MEGF11: variants seen among roughly 807,000 people sequenced by gnomAD.
MEGF11 encodes the protein multiple EGF like domains 11.
A neutral mutation model predicts 146.6 loss-of-function variants in MEGF11; 126 were observed. The observed-to-expected ratio is 0.86, with a 90% CI of 0.74 to 1.00. The LOEUF (loss-of-function observed/expected upper bound fraction) is 1.00. MEGF11 is among the 50% of genes least tolerant of loss of function. The pLI is 0.00. For synonymous variants in MEGF11, 532 were observed against 583.4 expected (o/e 0.91, Z 1.27); for missense variants, 1,509 against 1,521.2 (o/e 0.99, Z 0.13).
At chr15:65,970,987 C>A in intron 7 of MEGF11, 1 of 415,540 alleles carries the variant, frequency 2.4e-6, no homozygotes, top group Non-Finnish European at 4.4e-6. Context: ...ACAGAAAGAG[C>A]CAAAAAAACC....
At chr15:66,037,196 C>T (rs1288617208) in intron 5 of MEGF11, among the ~76,000 whole-genome samples, 2 of 152,206 alleles carry the variant, frequency 1.3e-5, no homozygotes, top group Admixed American at 6.5e-5. Context: ...CCTCCCATTA[C>T]ACCCCACCTG....
chr15:65,969,274 A>G (rs1052559078), intron 8 of MEGF11, among the ~76,000 whole-genome samples: 1 of 152,228 alleles, frequency 6.6e-6, no homozygotes, highest in Non-Finnish European at 1.5e-5. Flanking sequence ...CTCATGAGAA[A>G]GTGGACTGAA....
In MEGF11 at chr15:65,917,978, C is replaced by A; in HGVS notation, c.2074G>T (p.Asp692Tyr). ...CQCFPGWIGK[D>Y]CSQACPPGFW... ...GGCAGCAGCTTACCCTGTGAGCAGT[C>A]CTTGCCAATCCATCCAGGAAAGCAC... The change falls in exon 16 of 26, where the codon GAC becomes TAC. Residue 692 changes from aspartate to tyrosine, a missense_variant. Asp to Tyr is a radical substitution (Grantham distance 160). Transcript: ENST00000395614. 6.2e-7 allele frequency: 1 copy of A among 1,614,006 alleles called. No individual in the cohort carries two copies. Among genetic ancestry groups the A allele is most frequent in the East Asian group, 2.2e-5 (1 of 44,882 alleles).
At chr15:66,074,348 C>G (rs1199871137) in intron 5 of MEGF11, among the ~76,000 whole-genome samples, 4 of 152,182 alleles carry the variant, frequency 2.6e-5, no homozygotes, top group Admixed American at 1.3e-4. Flanking sequence ...ACAGGTATAG[C>G]GCTAGTTCAT....
At chr15:66,155,334 G>A (rs2089718516) in intron 1 of MEGF11, among the ~76,000 whole-genome samples, 1 of 152,216 alleles carries the variant, frequency 6.6e-6, no homozygotes, top group Non-Finnish European at 1.5e-5. Context: ...TTGCCTCAGA[G>A]TGAGGGCGGG....
At chr15:66,138,225 T>C (rs937633205) in intron 1 of MEGF11, among the ~76,000 whole-genome samples, 18 of 152,284 alleles carry the variant, frequency 1.2e-4, no homozygotes, top group African/African-American at 4.3e-4. Context: ...ACAGAGGACT[T>C]GAGCCCTAAA....
At chr15:66,141,281 T>TGA (rs1363855739) in intron 1 of MEGF11, among the ~76,000 whole-genome samples, 29 of 97,684 alleles carry the variant, frequency 3.0e-4, no homozygotes, top group Middle Eastern at 4.9e-3. Flanking sequence ...TGTGTGTGTG[T>TGA]GTGTGTGTGA....
rs1206667404 is a variant in MEGF11, at chr15:66,009,276, G to A, written c.395-26788C>T. ...TTTTTTTTTTTTTTAAATAGCACAT[G>A]AGTGCTATAAATTACCAGTAGAGGA... On this transcript the variant is annotated intron_variant, in intron 5 of 25. Transcript: ENST00000395614. 4.1e-5 allele frequency among the ~76,000 whole-genome samples: 6 copies of A among 145,848 alleles called. No individual in the cohort carries two copies. In the Admixed American group the frequency reaches 4.1e-4, roughly 10 times the overall value.
intron 1 of MEGF11, among the ~76,000 whole-genome samples, chr15:66,247,659 T>G (rs1306648410): frequency 6.6e-6 from 1 of 152,154 alleles, no homozygotes; most frequent in Non-Finnish European, 1.5e-5. Context: ...GAGGATCACT[T>G]GAGCCCAAGA....
rs1432378508 is a variant in MEGF11 at position 66,043,621 on chromosome 15, C to T, written c.394+50781G>A. Among the ~76,000 whole-genome samples the T allele has an allele frequency of 3.3e-5, 5 of 152,236 alleles. No homozygotes were observed. The South Asian group carries it at 8.3e-4, about 25-fold the overall frequency. ...TTTTCACACACTGCAATCTAAGGAA[C>T]GTCCTACCCAGAAGAACTGGCCCTG... is the stretch of plus-strand genomic sequence containing the variant. On this transcript the variant is annotated intron_variant, in intron 5 of 25. Transcript: ENST00000395614.
At chr15:66,093,583 C>T (rs1451702038) in intron 5 of MEGF11, among the ~76,000 whole-genome samples, 1 of 152,240 alleles carries the variant, frequency 6.6e-6, no homozygotes, top group Non-Finnish European at 1.5e-5. Context: ...TTAGTCAAGT[C>T]CTCTTTGAAA....
intron 5 of MEGF11, among the ~76,000 whole-genome samples, chr15:66,093,033 C>T (rs2086383801): frequency 6.6e-6 from 1 of 152,238 alleles, no homozygotes; most frequent in Admixed American, 6.5e-5. Flanking sequence ...TTTAGCTCAC[C>T]TGTGCCTCAG....
At chr15:66,108,611 G>A (rs980296785) in intron 4 of MEGF11, among the ~76,000 whole-genome samples, 1 of 152,166 alleles carries the variant, frequency 6.6e-6, no homozygotes, top group Non-Finnish European at 1.5e-5. Flanking sequence ...GGGCCATCTG[G>A]TGCCGTGTGG....
At chr15:65,900,606 C>A (rs2078471645) in intron 24 of MEGF11, among the ~76,000 whole-genome samples, 1 of 152,014 alleles carries the variant, frequency 6.6e-6, no homozygotes, top group Non-Finnish European at 1.5e-5. Flanking sequence ...ATAGGTAGAG[C>A]AATAATTCTC....
chr15:66,022,382 G>C (rs2083177213), intron 5 of MEGF11, among the ~76,000 whole-genome samples: 1 of 152,244 alleles, frequency 6.6e-6, no homozygotes, highest in South Asian at 2.1e-4. Context: ...CACACTGTTA[G>C]GTGACAGACG....
At chr15:65,950,938 T>C (rs750312110) in intron 10 of MEGF11, among the ~76,000 whole-genome samples, 5 of 152,248 alleles carry the variant, frequency 3.3e-5, no homozygotes, top group Non-Finnish European at 5.9e-5. Context: ...TGAATGTCCT[T>C]ACTGTAAAGC....
chr15:65,910,981 A>G (rs2078785200), intron 21 of MEGF11, among the ~76,000 whole-genome samples: 1 of 152,126 alleles, frequency 6.6e-6, no homozygotes, highest in South Asian at 2.1e-4. Context: ...GTTCTTCCTC[A>G]CTTCTTGTTT....
intron 4 of MEGF11, among the ~76,000 whole-genome samples, chr15:66,094,913 A>G (rs2086476025): frequency 6.6e-6 from 1 of 152,172 alleles, no homozygotes; most frequent in East Asian, 1.9e-4. Context: ...AGGCCCCAAA[A>G]TGTATCAGCC....
At chr15:66,143,609 G>A (rs573998889) in intron 1 of MEGF11, among the ~76,000 whole-genome samples, 1 of 152,212 alleles carries the variant, frequency 6.6e-6, no homozygotes, top group Non-Finnish European at 1.5e-5. Context: ...AATGACAGAG[G>A]CAGAGCGAGA....
Sources: gnomAD v4.1 joint callset for allele counts (sites outside exome capture counted in the v4.1 genomes callset) on GRCh38, gnomAD v4.1.1 for gene constraint, MANE v1.5 for transcripts, NCBI Gene and HGNC (gene_info 2026-07-23, HGNC 2026-07-21) for gene names.